The following TLK1 variants were observed in gnomAD, a reference collection of about 807,000 sequenced individuals.
TLK1 encodes tousled like kinase 1, also known as serine/threonine-protein kinase tousled-like 1.
A neutral mutation model predicts 105.3 loss-of-function variants in TLK1; 24 were observed. The ratio of observed to expected loss-of-function variants is 0.23; its 90% confidence interval spans 0.17 to 0.32. The LOEUF (loss-of-function observed/expected upper bound fraction) is 0.32. Ranked by LOEUF, TLK1 falls within the 10% of genes least tolerant of loss-of-function variation. The pLI is 1.00. For missense variants in TLK1, 558 were observed against 910.5 expected (o/e 0.61, Z 4.98); for synonymous variants, 321 against 310.4 (o/e 1.03, Z -0.36).
chr2:171,056,306 ATAACT>A (rs1157588616), intron 6 of TLK1, among the ~76,000 whole-genome samples, 160 bp downstream of exon 6: 1 of 152,118 alleles, frequency 6.6e-6, no homozygotes, highest in Non-Finnish European at 1.5e-5. Context: ...ATAGCACCAG[ATAACT>A]TAAAAGGATT....
intron 1 of TLK1, among the ~76,000 whole-genome samples, chr2:171,193,284 C>T (rs1351252713): frequency 2.6e-5 from 4 of 152,124 alleles, no homozygotes; most frequent in Non-Finnish European, 5.9e-5. Context: ...GTGAAAATCA[C>T]TCCTCCTAGG....
intron 1 of TLK1, among the ~76,000 whole-genome samples, chr2:171,126,227 C>T (rs1363010346): frequency 6.6e-6 from 1 of 152,050 alleles, no homozygotes; most frequent in African/African-American, 2.4e-5. Flanking sequence ...AATGTCACTA[C>T]CCAAATTAGA....
chr2:171,169,190 A>G (rs1007134897), intron 1 of TLK1, among the ~76,000 whole-genome samples: 5 of 152,224 alleles, frequency 3.3e-5, no homozygotes, highest in Admixed American at 1.3e-4. Flanking sequence ...CTTTGTACAC[A>G]AAGATAATTC....
chr2:171,140,007 G>A (rs962815706), intron 1 of TLK1, among the ~76,000 whole-genome samples: 7 of 152,154 alleles, frequency 4.6e-5, no homozygotes, highest in East Asian at 1.9e-4. Flanking sequence ...GAGCTCAGGC[G>A]GGAATGCTCA....
At chr2:171,120,366 A>G (rs1417199653) in intron 1 of TLK1, among the ~76,000 whole-genome samples, 1 of 152,044 alleles carries the variant, frequency 6.6e-6, no homozygotes, top group Non-Finnish European at 1.5e-5. Flanking sequence ...GGCAACCCAC[A>G]GAATGGAAAA....
intron 2 of TLK1, among the ~76,000 whole-genome samples, chr2:171,096,852 G>A (rs1412219454): frequency 6.6e-6 from 1 of 151,858 alleles, no homozygotes; most frequent in Non-Finnish European, 1.5e-5. Flanking sequence ...CAAATGGAAA[G>A]ATATCCTGTT....
intron 1 of TLK1, among the ~76,000 whole-genome samples, chr2:171,167,099 A>G (rs1276554196): frequency 6.6e-6 from 1 of 152,228 alleles, no homozygotes; most frequent in Non-Finnish European, 1.5e-5. Flanking sequence ...ACATGTGATC[A>G]TGGGAACTCA....
intron 11 of TLK1, among the ~76,000 whole-genome samples, chr2:171,031,895 C>A (rs923489324): frequency 6.6e-6 from 1 of 152,058 alleles, no homozygotes; most frequent in Non-Finnish European, 1.5e-5. Flanking sequence ...CCTCAAAGAA[C>A]ACAAACTATG....
At chr2:171,061,021 A>C in intron 4 of TLK1, 60 bp downstream of exon 4, 1 of 1,503,998 alleles carries the variant, frequency 6.6e-7, no homozygotes, top group Non-Finnish European at 9.1e-7. Context: ...ATTGGTTAAA[A>C]ATTAAAACAA....
intron 1 of TLK1, among the ~76,000 whole-genome samples, chr2:171,132,194 G>A (rs1248979888): frequency 2.0e-5 from 3 of 152,190 alleles, no homozygotes; most frequent in Non-Finnish European, 4.4e-5. Flanking sequence ...CCTCTTCACA[G>A]AGCAGCAGAA....
At chr2:171,048,503 T>A (rs1191990768) in intron 10 of TLK1, among the ~76,000 whole-genome samples, 2 of 152,204 alleles carry the variant, frequency 1.3e-5, no homozygotes, top group African/African-American at 4.8e-5. Flanking sequence ...ACCAATAACA[T>A]TCATCCTCTA....
At chr2:171,207,822 G>C (rs1196148252) in intron 1 of TLK1, among the ~76,000 whole-genome samples, 2 of 152,138 alleles carry the variant, frequency 1.3e-5, no homozygotes, top group Non-Finnish European at 2.9e-5. Context: ...CCACGTCCAA[G>C]TGATTCTCTT....
At position 171,007,763 on chromosome 2, in the gene TLK1, C is replaced by T. The variant is rs530587346; in HGVS notation, c.1417-700G>A. Among the ~76,000 whole-genome samples the T allele has an allele frequency of 3.9e-5, 6 of 152,166 alleles. No homozygotes were observed. The South Asian group carries it at 1.2e-3, about 32-fold the overall frequency. ...TATTTAAATAAAAATAACCACATAC[C>T]ATTATCACACCTAACTACATCAGTA... On this transcript the variant is annotated intron_variant, in intron 14 of 20. Coordinates refer to ENST00000431350, the MANE Select transcript of TLK1 (RefSeq NM_012290.5).
chr2:171,023,846 G>A (rs751158799), intron 12 of TLK1, among the ~76,000 whole-genome samples: 2 of 152,148 alleles, frequency 1.3e-5, no homozygotes, highest in Non-Finnish European at 2.9e-5. Flanking sequence ...ATAAAGATCT[G>A]ACTATATAAT....
chr2:171,198,076 A>G (rs1693310537), intron 1 of TLK1, among the ~76,000 whole-genome samples: 1 of 152,282 alleles, frequency 6.6e-6, no homozygotes, highest in African/African-American at 2.4e-5. Context: ...TACATGAACA[A>G]CTTGCATAGG....
chr2:171,123,693 C>T (rs1192723299), intron 1 of TLK1, among the ~76,000 whole-genome samples: 2 of 152,120 alleles, frequency 1.3e-5, no homozygotes, highest in Admixed American at 6.5e-5. Context: ...CACCTATGGT[C>T]GCAGCTACTC....
chr2:171,072,390 G>A (rs1230715871), intron 3 of TLK1, among the ~76,000 whole-genome samples: 22 of 152,206 alleles, frequency 1.4e-4, no homozygotes, highest in Admixed American at 1.4e-3. Flanking sequence ...AAGGGGGGCG[G>A]ATCACTTGAG....
chr2:171,091,098 C>T (rs527975969), intron 2 of TLK1, among the ~76,000 whole-genome samples: 3 of 152,206 alleles, frequency 2.0e-5, no homozygotes, highest in Non-Finnish European at 4.4e-5. Flanking sequence ...CAAAGCCATA[C>T]TCATTTCATT....
chr2:171,035,658 T>G (rs1686293992), intron 11 of TLK1, among the ~76,000 whole-genome samples: 2 of 152,146 alleles, frequency 1.3e-5, no homozygotes, highest in South Asian at 4.1e-4. Context: ...AAAGGAAAAT[T>G]AAGGGTAGCA....
Sources: gnomAD v4.1 joint callset for allele counts (sites outside exome capture counted in the v4.1 genomes callset) on GRCh38, gnomAD v4.1.1 for gene constraint, MANE v1.5 for transcripts, NCBI Gene and HGNC (gene_info 2026-07-23, HGNC 2026-07-21) for gene names.